Variants in SCRN1 observed in about 807,000 individuals in gnomAD.
SCRN1 encodes secernin 1.
In SCRN1, 19 loss-of-function variants were observed where a neutral mutation model predicts 43.3. The observed-to-expected ratio is 0.44, with a 90% CI of 0.31 to 0.64. SCRN1 has a LOEUF of 0.64. SCRN1 is among the 30% of genes least tolerant of loss of function. The pLI is 0.09. For synonymous variants in SCRN1, 183 were observed against 188.9 expected, an observed-to-expected ratio of 0.97 and a Z score of 0.26; for missense variants, 447 against 524.1, an observed-to-expected ratio of 0.85 and a Z score of 1.44.
intron 1 of SCRN1, among the ~76,000 whole-genome samples, chr7:29,972,825 T>C (rs1258686174): frequency 6.6e-6 from 1 of 152,206 alleles, no homozygotes; most frequent in Non-Finnish European, 1.5e-5. Flanking sequence ...CCATTCAATA[T>C]GGTGACCACT....
Position 29,920,475 on chromosome 7 carries a change from G to A in SCRN1, c.*3482C>T, listed in dbSNP as rs753165187. 1.1e-4 allele frequency: 17 copies of A among 152,272 alleles called. No homozygotes were observed. The highest frequency in any genetic ancestry group is 2.2e-4 in the African/African-American group (9 of 41,456). The allele number at this position is 152,272 out of a possible 1,614,324, so 9.4% of individuals were successfully genotyped here. On this transcript the variant is annotated 3_prime_UTR_variant, in exon 8 of 8. Transcript: ENST00000242059. The stretch of plus-strand genomic sequence containing the variant: ...GGGACTGTGCAGAATGAAAAGCCAC[G>A]GCTACGGGAAGCATAAGCTTGTGCT...
intron 1 of SCRN1, among the ~76,000 whole-genome samples, chr7:29,988,249 G>C (rs1789224998): frequency 6.6e-6 from 1 of 152,192 alleles, no homozygotes. Flanking sequence ...ACGACCTCCA[G>C]GTTGTGCATC....
At chr7:29,982,152 T>A (rs142044903) in intron 1 of SCRN1, among the ~76,000 whole-genome samples, 134 of 152,336 alleles carry the variant, frequency 8.8e-4, no homozygotes, top group African/African-American at 3.0e-3. Flanking sequence ...AGTGTTCCTC[T>A]GGGTCTGTGA....
intron 5 of SCRN1, among the ~76,000 whole-genome samples, chr7:29,939,667 C>T (rs535606563): frequency 2.0e-5 from 3 of 152,282 alleles, no homozygotes; most frequent in East Asian, 1.9e-4. Context: ...TTAAAACAGG[C>T]AGCTGCCAAA....
In SCRN1 at chr7:29,968,945, G is replaced by GC; in HGVS notation, c.122_123insG (p.Phe41LeufsTer5). On this transcript the variant is annotated frameshift_variant, in exon 2 of 8. Coordinates refer to ENST00000242059, the MANE Select transcript of SCRN1 (RefSeq NM_014766.5). LOFTEE classifies it high-confidence loss of function. ...TCTCCGGTTCGTGATCAGCAGCCGA[G>GC]AAATACACAACCTCTTGCACTTCAT... 6.2e-7 allele frequency: 1 copy of GC among 1,614,156 alleles called. No individual in the cohort carries two copies. Among genetic ancestry groups the GC allele is most frequent in the African/African-American group, 1.3e-5 (1 of 75,026 alleles).
At chr7:29,928,623 T>C (rs78733304) in intron 6 of SCRN1, among the ~76,000 whole-genome samples, 3,626 of 152,066 alleles carry the variant, frequency 0.024, 63 homozygotes, top group East Asian at 0.067. Flanking sequence ...CTGGGAAGCA[T>C]AAGGCATGCC....
chr7:29,934,573 C>A (rs1298560456), intron 6 of SCRN1, among the ~76,000 whole-genome samples: 3 of 152,210 alleles, frequency 2.0e-5, no homozygotes, highest in African/African-American at 7.2e-5. Flanking sequence ...GAGCCACCAG[C>A]ATTAGGGGAG....
chr7:29,961,078 T>C (rs1182130344), intron 2 of SCRN1, among the ~76,000 whole-genome samples: 1 of 148,796 alleles, frequency 6.7e-6, no homozygotes, highest in Non-Finnish European at 1.5e-5. Flanking sequence ...TTTTTTTTAA[T>C]TTATTTTTTT....
chr7:29,928,400 G>C (rs1182089306), intron 6 of SCRN1, among the ~76,000 whole-genome samples: 1 of 152,170 alleles, frequency 6.6e-6, no homozygotes, highest in African/African-American at 2.4e-5. Flanking sequence ...ATGTTGCCAT[G>C]GGACAGGAGT....
intron 2 of SCRN1, among the ~76,000 whole-genome samples, chr7:29,956,590 C>T (rs1418977032): frequency 6.6e-6 from 1 of 152,196 alleles, no homozygotes; most frequent in Admixed American, 6.5e-5. Context: ...TTCCCATAAT[C>T]GCTAAACCTC....
intron 7 of SCRN1, among the ~76,000 whole-genome samples, chr7:29,925,866 A>C (rs180968892): frequency 9.9e-5 from 15 of 151,906 alleles, no homozygotes; most frequent in East Asian, 9.7e-4. Flanking sequence ...AAAAAAAAAA[A>C]AAAAAACCCT....
intron 2 of SCRN1, among the ~76,000 whole-genome samples, chr7:29,964,406 G>C (rs1281520522): frequency 6.8e-6 from 1 of 147,344 alleles, no homozygotes; most frequent in Non-Finnish European, 1.5e-5. Flanking sequence ...GTTTAAAAAA[G>C]CCAATCTGAA....
At position 29,968,958 on chromosome 7, in the gene SCRN1, T is replaced by C; in HGVS notation, c.110A>G (p.Glu37Gly). The C allele has an allele frequency of 6.2e-7, 1 of 1,614,126 alleles. No homozygotes were observed. The change falls in exon 2 of 8, where the codon GAG (glutamate) becomes GGG (glycine). Residue 37 changes from glutamate (E) to glycine (G), a missense_variant. Physicochemically the swap from Glu to Gly is moderately conservative, Grantham distance 98 (BLOSUM62 -2). Coordinates refer to ENST00000242059, the MANE Select transcript of SCRN1 (RefSeq NM_014766.5). ...ATCAGCAGCCGAGAAATACACAACC[T>C]CTTGCACTTCATCTCTGGGCCGGGC... ...NSARPRDEVQEVVYFSAADHE... is the reference protein window; with the variant it reads ...NSARPRDEVQGVVYFSAADHE...
intron 2 of SCRN1, among the ~76,000 whole-genome samples, chr7:29,966,378 G>A (rs1254795681): frequency 1.3e-5 from 2 of 152,128 alleles, no homozygotes; most frequent in African/African-American, 4.8e-5. Context: ...AGGGCACTTG[G>A]GATGGGATTT....
chr7:29,941,295 A>G (rs1395686704), intron 4 of SCRN1, among the ~76,000 whole-genome samples: 2 of 152,238 alleles, frequency 1.3e-5, no homozygotes, highest in African/African-American at 4.8e-5. Context: ...GTTCCTCTAC[A>G]GCAATGCTCT....
At chr7:29,947,155 C>T (rs1457525063) in intron 3 of SCRN1, 5 of 1,541,180 alleles carry the variant, frequency 3.2e-6, no homozygotes, top group Non-Finnish European at 4.4e-6. Context: ...CTGTGCAGTT[C>T]GAATTCTTCC....
chr7:29,987,160 T>A (rs764377201), intron 1 of SCRN1, among the ~76,000 whole-genome samples: 40 of 152,214 alleles, frequency 2.6e-4, no homozygotes, highest in African/African-American at 8.9e-4. Flanking sequence ...ACCTTCTCCC[T>A]CTGCACATCA....
chr7:29,960,211 A>G (rs1788264563), intron 2 of SCRN1, among the ~76,000 whole-genome samples: 1 of 152,204 alleles, frequency 6.6e-6, no homozygotes, highest in African/African-American at 2.4e-5. Flanking sequence ...CAATTTTACT[A>G]ACAATGCTAC....
At chr7:29,974,685 CTT>C (rs1183202361) in intron 1 of SCRN1, among the ~76,000 whole-genome samples, 22 of 134,148 alleles carry the variant, frequency 1.6e-4, no homozygotes, top group Admixed American at 2.3e-4. Flanking sequence ...TTCTTTCTTT[CTT>C]TTTTTTTTTT....
Sources: gnomAD v4.1 joint callset for allele counts (sites outside exome capture counted in the v4.1 genomes callset) on GRCh38, gnomAD v4.1.1 for gene constraint, MANE v1.5 for transcripts, NCBI Gene and HGNC (gene_info 2026-07-23, HGNC 2026-07-21) for gene names.